LSM7: variants seen among roughly 807,000 people sequenced by gnomAD.
LSM7 encodes U6 snRNA-associated Sm-like protein LSm7.
Under a neutral mutation model 14.1 loss-of-function variants are expected in LSM7, and 13 were observed. The ratio of observed to expected loss-of-function variants is 0.92; its 90% confidence interval spans 0.60 to 1.47. LSM7 has a LOEUF of 1.47. Ranked by LOEUF, LSM7 falls within the 40% of genes most tolerant of loss-of-function variation. The probability of loss-of-function intolerance (pLI) is 0.00; values close to 1 mark genes in which losing one functional copy is unlikely to be tolerated. For synonymous variants in LSM7, 70 were observed against 57.1 expected, an observed-to-expected ratio of 1.23 and a Z score of -1.02; for missense variants, 108 against 140.8, an observed-to-expected ratio of 0.77 and a Z score of 1.18.
Position 2,328,391 on chromosome 19 carries a change from G to A in LSM7, c.93C>T (p.Arg31=), listed in dbSNP as rs574047356. 1.8e-5 allele frequency: 29 copies of A among 1,613,762 alleles called. No homozygotes were observed. In the South Asian group the frequency reaches 3.0e-4, roughly 16 times the overall value. The change falls in exon 2 of 4, where the codon CGC becomes CGT. Residue 31 remains arginine (R), a synonymous_variant. Transcript: ENST00000252622. Reference sequence around the variant, plus strand: ...CGACAGCGGGAGCCTCCTCACCTTCGCGGCCTCCCTGGAACTTTACCCGGA... The same window carrying A: ...CGACAGCGGGAGCCTCCTCACCTTCACGGCCTCCCTGGAACTTTACCCGGA... The part of the protein sequence containing the change: ...KTIRVKFQGG[R]EASGILKGFD...
chr19:2,324,320 G>A (rs1347602742), intron 2 of LSM7, 124 bp from the exon 3 acceptor site: 32 of 762,338 alleles, frequency 4.2e-5, no homozygotes, highest in South Asian at 1.2e-4. Context: ...GAGGGTAGGA[G>A]AGGGCTCCCG....
At chr19:2,324,294 C>G in intron 2 of LSM7, 98 bp from the exon 3 acceptor site, 2 of 946,394 alleles carry the variant, frequency 2.1e-6, no homozygotes, top group Non-Finnish European at 3.3e-6. Flanking sequence ...GCTAACTGCT[C>G]CAGGGATGGA....
chr19:2,328,408 T>G lies in LSM7; in HGVS notation c.76A>C (p.Lys26Gln), dbSNP rs1428828266. The change falls in exon 2 of 4, where the codon AAG becomes CAG. Residue 26 changes from lysine to glutamine, a missense_variant. Physicochemically the swap from Lys to Gln is moderately conservative, Grantham distance 53. Transcript: ENST00000252622. ...SKYIDKTIRV[K>Q]FQGGREASGI... ...TCACCTTCGCGGCCTCCCTGGAACT[T>G]TACCCGGATCGTCTTGTCGATGTAC... The G allele has an allele frequency of 6.2e-7, 1 of 1,613,822 alleles. No individual in the cohort carries two copies. Among genetic ancestry groups the G allele is most frequent in the Non-Finnish European group, 8.5e-7 (1 of 1,179,888 alleles).
intron 2 of LSM7, chr19:2,327,912 G>T (rs1599182615): frequency 6.3e-6 from 1 of 159,048 alleles, no homozygotes; most frequent in Non-Finnish European, 1.4e-5. Flanking sequence ...CACCCCCTGT[G>T]AAGTGGGTGG....
chr19:2,325,681 G>A (rs897959460), intron 2 of LSM7, among the ~76,000 whole-genome samples: 8 of 152,206 alleles, frequency 5.3e-5, no homozygotes, highest in Non-Finnish European at 1.0e-4. Context: ...TGCAAACTAC[G>A]ACCCCCAGGT....
At chr19:2,325,267 G>C (rs1967996877) in intron 2 of LSM7, among the ~76,000 whole-genome samples, 1 of 152,132 alleles carries the variant, frequency 6.6e-6, no homozygotes, top group Non-Finnish European at 1.5e-5. Context: ...AGGGGGAGCT[G>C]TGTGTCCCCA....
rs937602334 is a variant in LSM7, at chr19:2,322,277, C to T, written c.170-455G>A. Among the ~76,000 whole-genome samples, 101 of 152,330 alleles carry T rather than the reference C, an allele frequency of 6.6e-4. 1 individual carries two copies. Among genetic ancestry groups the T allele is most frequent in the Non-Finnish European group, 1.3e-3 (86 of 68,022 alleles). On this transcript the variant is annotated intron_variant, in intron 3 of 3. Coordinates refer to ENST00000252622, the MANE Select transcript of LSM7 (RefSeq NM_016199.3). ...GCTGGGGGCCGGGCGCGGTGGCTCA[C>T]GCCTGTAATCCCAGCACTTTGGGAG... is the stretch of plus-strand genomic sequence containing the variant.
Position 2,323,649 on chromosome 19 carries a change from A to G in LSM7, c.169+476T>C, listed in dbSNP as rs1967970192. On this transcript the variant is annotated intron_variant, in intron 3 of 3. Coordinates refer to ENST00000252622, the MANE Select transcript of LSM7 (RefSeq NM_016199.3). ...GCATTTTTAGCGGAGACGGGGTTTC[A>G]CCATGTTGGTCAGGCTGGTCTCAAA... Among the ~76,000 whole-genome samples, 5 of 152,086 alleles carry G rather than the reference A, an allele frequency of 3.3e-5. No individual in the cohort carries two copies. The South Asian group carries it at 1.0e-3, about 32-fold the overall frequency.
At chr19:2,324,340 G>C in intron 2 of LSM7, 144 bp from the exon 3 acceptor site, 1 of 652,644 alleles carries the variant, frequency 1.5e-6, no homozygotes, top group Non-Finnish European at 2.8e-6. Context: ...GGGAGTGGCC[G>C]ATGACAGCCG....
At chr19:2,328,137 G>A in intron 2 of LSM7, 1 of 461,470 alleles carries the variant, frequency 2.2e-6, no homozygotes, top group Non-Finnish European at 3.9e-6. Flanking sequence ...GCCGGGCGTG[G>A]TGGTACACAT....
At chr19:2,326,577 C>G (rs1392721583) in intron 2 of LSM7, among the ~76,000 whole-genome samples, 1 of 152,164 alleles carries the variant, frequency 6.6e-6, no homozygotes, top group Admixed American at 6.5e-5. Context: ...CTCAAGTGAT[C>G]TGCCCGCCTC....
At position 2,321,548 on chromosome 19, in the gene LSM7, C is replaced by T; in HGVS notation, c.*132G>A. ...GAGGTTTGCAATTTTATTAAGAAAA[C>T]AAAAATTCAACCTATACAAAAAGGA... On this transcript the variant is annotated 3_prime_UTR_variant, in exon 4 of 4. Coordinates refer to ENST00000252622, the MANE Select transcript of LSM7 (RefSeq NM_016199.3). The surrounding 1 kb of genome is among the most constrained non-coding windows in gnomAD (Gnocchi z 5.0). 1.9e-6 allele frequency: 2 copies of T among 1,055,032 alleles called. No individual in the cohort carries two copies. The highest frequency in any genetic ancestry group is 2.5e-6 in the Non-Finnish European group (2 of 801,602). 65.4% of individuals were successfully genotyped at this position (1,055,032 alleles called of 1,614,324 possible).
In LSM7 at chr19:2,321,982, G is replaced by A. The variant is rs532097553; in HGVS notation, c.170-160C>T. On this transcript the variant is annotated intron_variant, in intron 3 of 3. Transcript: ENST00000252622. The surrounding 1 kb of genome is among the most constrained non-coding windows in gnomAD (Gnocchi z 5.0). Reference sequence around the variant, plus strand: ...GATGCGCTCTGTGGGGCAGGTCCCCGGCTCCCACGGCTGAGACCCATGGCC... The same window carrying A: ...GATGCGCTCTGTGGGGCAGGTCCCCAGCTCCCACGGCTGAGACCCATGGCC... Among the ~76,000 whole-genome samples, 3 of 148,540 alleles carry A rather than the reference G, an allele frequency of 2.0e-5. No individual in the cohort carries two copies. The highest frequency in any genetic ancestry group is 2.0e-4 in the Admixed American group (3 of 14,960).
intron 2 of LSM7, among the ~76,000 whole-genome samples, chr19:2,325,737 C>T (rs771428371): frequency 1.1e-4 from 16 of 152,262 alleles, no homozygotes; most frequent in Non-Finnish European, 2.1e-4. Flanking sequence ...CTCGCTGGCC[C>T]ACCACCACAC....
At chr19:2,327,853 C>G (rs926410947) in intron 2 of LSM7, 1 of 152,940 alleles carries the variant, frequency 6.5e-6, no homozygotes, top group Admixed American at 6.5e-5. Flanking sequence ...TTACTTCCTG[C>G]TGAGAGCTGC....
chr19:2,328,361 G>A (rs1968084812), intron 2 of LSM7, 26 bp downstream of exon 2: 2 of 1,602,726 alleles, frequency 1.2e-6, no homozygotes, highest in Admixed American at 3.3e-5. Flanking sequence ...TTAAAGAGGG[G>A]GTACCGACAG....
intron 2 of LSM7, among the ~76,000 whole-genome samples, chr19:2,327,684 G>A (rs894721483): frequency 2.3e-4 from 35 of 152,140 alleles, no homozygotes; most frequent in South Asian, 2.1e-4. Flanking sequence ...TTACACACGT[G>A]AGCCGCCCCG....
intron 3 of LSM7, among the ~76,000 whole-genome samples, chr19:2,323,599 C>CAT (rs1967968871): frequency 6.6e-6 from 1 of 152,116 alleles, no homozygotes. Context: ...TACAGGCATG[C>CAT]GCCACCACAC....
intron 2 of LSM7, among the ~76,000 whole-genome samples, chr19:2,325,463 C>G (rs1968000194): frequency 6.6e-6 from 1 of 152,212 alleles, no homozygotes; most frequent in Non-Finnish European, 1.5e-5. Context: ...AACCCACAGC[C>G]CTTACGGTGC....
Sources: gnomAD v4.1 joint callset for allele counts (sites outside exome capture counted in the v4.1 genomes callset) on GRCh38, gnomAD v4.1.1 for gene constraint, Gnocchi (gnomAD v3.1) non-coding constraint, MANE v1.5 for transcripts, NCBI Gene and HGNC (gene_info 2026-07-23, HGNC 2026-07-21) for gene names.